Variants in RANBP2 observed in about 807,000 individuals in gnomAD.
RANBP2 encodes the protein E3 SUMO-protein ligase RanBP2.
Under a neutral mutation model 303.6 loss-of-function variants are expected in RANBP2, and 57 were observed. The ratio of observed to expected loss-of-function variants is 0.19; its 90% CI spans 0.15 to 0.23. The LOEUF (loss-of-function observed/expected upper bound fraction) is 0.23. Among genes scored for constraint, RANBP2 ranks in the 10% least tolerant of loss-of-function variants. The pLI, the probability that RANBP2 is intolerant of heterozygous loss-of-function variation, is 1.00. For missense variants in RANBP2, 3,138 were observed against 3,780.8 expected (o/e 0.83, Z 4.46); for synonymous variants, 1,167 against 1,301.5 (o/e 0.90, Z 2.23).
the RANBP2 span, among the ~76,000 whole-genome samples, chr2:109,563,542 C>A: frequency 6.6e-6 from 1 of 152,222 alleles, no homozygotes; most frequent in Admixed American, 6.5e-5. Flanking sequence ...TCAAATTGAT[C>A]TGATTCAGTA....
chr2:109,726,471 A>G, the RANBP2 span, among the ~76,000 whole-genome samples: 1 of 152,060 alleles, frequency 6.6e-6, no homozygotes, highest in African/African-American at 2.4e-5. Context: ...ACTGGAGGTG[A>G]TGATGCCCCC....
chr2:109,192,500 A>G, the RANBP2 span, among the ~76,000 whole-genome samples: 2 of 152,194 alleles, frequency 1.3e-5, no homozygotes, highest in East Asian at 1.9e-4. Context: ...TTTGTGTTGG[A>G]TCAGAGTAAG....
the RANBP2 span, among the ~76,000 whole-genome samples, chr2:108,989,818 G>GT: frequency 4.6e-5 from 7 of 151,760 alleles, no homozygotes; most frequent in South Asian, 2.1e-4. Context: ...AAATGATTGG[G>GT]GGGGGGAAAA....
At chr2:109,089,514 G>C in the RANBP2 span, among the ~76,000 whole-genome samples, 6 of 152,094 alleles carry the variant, frequency 3.9e-5, no homozygotes, top group African/African-American at 1.4e-4. Flanking sequence ...GCTGAGATGC[G>C]AGGATTGCTT....
chr2:109,350,675 C>T, the RANBP2 span, among the ~76,000 whole-genome samples: 4 of 152,172 alleles, frequency 2.6e-5, no homozygotes, highest in Non-Finnish European at 4.4e-5. Context: ...ACGGTGGGTC[C>T]GACCCACCTT....
the RANBP2 span, among the ~76,000 whole-genome samples, chr2:109,167,064 A>G: frequency 1.3e-5 from 2 of 152,234 alleles, no homozygotes; most frequent in African/African-American, 4.8e-5. Flanking sequence ...CATGGAGGTC[A>G]GGCCAGTGGG....
the RANBP2 span, among the ~76,000 whole-genome samples, chr2:109,533,910 T>A: frequency 6.6e-6 from 1 of 152,138 alleles, no homozygotes; most frequent in African/African-American, 2.4e-5. Flanking sequence ...CCATGTGGAG[T>A]GGCCCCTAGC....
chr2:109,520,098 T>C, the RANBP2 span, among the ~76,000 whole-genome samples: 20 of 152,372 alleles, frequency 1.3e-4, no homozygotes, highest in African/African-American at 4.8e-4. Flanking sequence ...GCTAATTTCC[T>C]GTGATACGGT....
At chr2:109,330,797 C>G in the RANBP2 span, among the ~76,000 whole-genome samples, 1 of 152,090 alleles carries the variant, frequency 6.6e-6, no homozygotes, top group South Asian at 2.1e-4. Flanking sequence ...CCATCATTCC[C>G]CACACACTCC....
chr2:109,130,155 G>A, the RANBP2 span: 14 of 1,269,226 alleles, frequency 1.1e-5, no homozygotes, highest in South Asian at 2.2e-4. Flanking sequence ...GCACGTGGGA[G>A]TGTGTGGGTG....
At chr2:109,663,596 A>G in the RANBP2 span, among the ~76,000 whole-genome samples, 3 of 152,362 alleles carry the variant, frequency 2.0e-5, no homozygotes, top group Admixed American at 2.0e-4. Flanking sequence ...CTTACTGATC[A>G]TATACAGAGC....
At chr2:109,264,983 A>G in the RANBP2 span, among the ~76,000 whole-genome samples, 69 of 152,306 alleles carry the variant, frequency 4.5e-4, no homozygotes, top group South Asian at 8.3e-4. Context: ...TGCATCAGAG[A>G]TAGCCGCATG....
At chr2:109,456,025 C>G in the RANBP2 span, among the ~76,000 whole-genome samples, 5 of 152,236 alleles carry the variant, frequency 3.3e-5, no homozygotes, top group Admixed American at 3.3e-4. Context: ...CACGGAGCCC[C>G]TTGGCCCATG....
intron 7 of RANBP2, among the ~76,000 whole-genome samples, 165 bp downstream of exon 7, chr2:108,740,846 T>C (rs538929039): frequency 8.0e-5 from 12 of 150,760 alleles, no homozygotes; most frequent in South Asian, 4.2e-4. Flanking sequence ...TACACAATAC[T>C]GGTGAGGCTG....
At chr2:109,508,181 G>T in the RANBP2 span, among the ~76,000 whole-genome samples, 5 of 152,186 alleles carry the variant, frequency 3.3e-5, no homozygotes, top group East Asian at 7.7e-4. Context: ...TTCTCCATGG[G>T]CCCAGCCAAA....
chr2:109,403,041 G>A, the RANBP2 span, among the ~76,000 whole-genome samples: 6 of 152,188 alleles, frequency 3.9e-5, no homozygotes, highest in East Asian at 1.9e-4. Context: ...TTAGCTGGCC[G>A]AATTAAGGGG....
At chr2:108,820,475 A>G in the RANBP2 span, among the ~76,000 whole-genome samples, 1 of 152,168 alleles carries the variant, frequency 6.6e-6, no homozygotes, top group Non-Finnish European at 1.5e-5. Context: ...AAATAGGCAT[A>G]CAAGTTCAAG....
At chr2:109,674,378 G>A in the RANBP2 span, among the ~76,000 whole-genome samples, 9 of 132,628 alleles carry the variant, frequency 6.8e-5, no homozygotes, top group Admixed American at 3.7e-4. Context: ...GTTCATGACC[G>A]GCCCGGGAAA....
the RANBP2 span, among the ~76,000 whole-genome samples, chr2:108,937,713 GTGTA>G: frequency 2.0e-5 from 3 of 152,110 alleles, no homozygotes. Context: ...GTGTATGTGT[GTGTA>G]TGTGTGTGTG....
Sources: gnomAD v4.1 joint callset for allele counts (sites outside exome capture counted in the v4.1 genomes callset) on GRCh38, gnomAD v4.1.1 for gene constraint, MANE v1.5 for transcripts, NCBI Gene and HGNC (gene_info 2026-07-23, HGNC 2026-07-21) for gene names.